SCFD2: variants seen among roughly 807,000 people sequenced by gnomAD.
The protein encoded by SCFD2 is sec1 family domain containing 2.
Under a neutral mutation model 58.9 loss-of-function variants are expected in SCFD2, and 54 were observed. The ratio of observed to expected loss-of-function variants is 0.92; its 90% CI spans 0.74 to 1.15. The LOEUF (loss-of-function observed/expected upper bound fraction) is 1.15, where lower values mean the gene tolerates loss of function less well. Ranked by LOEUF, SCFD2 falls within the 50% of genes most tolerant of loss-of-function variation. The probability of loss-of-function intolerance (pLI) is 0.00; values close to 1 mark genes in which losing one functional copy is unlikely to be tolerated. For synonymous variants in SCFD2, 321 were observed against 335.9 expected (o/e 0.96, Z 0.49); for missense variants, 805 against 836.6 (o/e 0.96, Z 0.47).
chr4:53,183,822 A>G (rs1220887173), intron 4 of SCFD2, among the ~76,000 whole-genome samples: 3 of 152,158 alleles, frequency 2.0e-5, no homozygotes, highest in African/African-American at 7.2e-5. Flanking sequence ...TTTAGAACAA[A>G]GTTGTACTAG....
At chr4:53,181,800 C>T (rs1727568170) in intron 4 of SCFD2, among the ~76,000 whole-genome samples, 1 of 152,206 alleles carries the variant, frequency 6.6e-6, no homozygotes, top group African/African-American at 2.4e-5. Flanking sequence ...TAAGCAACTT[C>T]AGCAAAGTCT....
At chr4:53,217,991 A>G (rs902158512) in intron 4 of SCFD2, among the ~76,000 whole-genome samples, 1 of 152,166 alleles carries the variant, frequency 6.6e-6, no homozygotes, top group African/African-American at 2.4e-5. Context: ...TCTGGCTTGT[A>G]GCGTTTCTGC....
intron 4 of SCFD2, among the ~76,000 whole-genome samples, chr4:53,184,963 A>G (rs377544556): frequency 7.9e-5 from 12 of 152,238 alleles, no homozygotes; most frequent in African/African-American, 2.9e-4. Context: ...GCTAGAGGGA[A>G]AAAGCATTTA....
chr4:53,073,230 G>A (rs1723874460), intron 5 of SCFD2, among the ~76,000 whole-genome samples: 1 of 151,976 alleles, frequency 6.6e-6, no homozygotes, highest in Non-Finnish European at 1.5e-5. Flanking sequence ...AATACAGGAG[G>A]ATGTGCATGG....
At chr4:53,251,616 G>A (rs1269306953) in intron 4 of SCFD2, among the ~76,000 whole-genome samples, 3 of 151,946 alleles carry the variant, frequency 2.0e-5, no homozygotes, top group African/African-American at 7.3e-5. Flanking sequence ...CATATAAACA[G>A]AACCAAAGAA....
chr4:52,942,095 G>A (rs762244758), intron 5 of SCFD2, among the ~76,000 whole-genome samples: 2 of 152,146 alleles, frequency 1.3e-5, no homozygotes, highest in African/African-American at 2.4e-5. Context: ...AATGGTATAC[G>A]AGAGGAAAGA....
At chr4:53,324,420 CAAAAAAAAA>C (rs34865805) in intron 2 of SCFD2, among the ~76,000 whole-genome samples, 12 of 93,818 alleles carry the variant, frequency 1.3e-4, no homozygotes, top group Non-Finnish European at 2.2e-4. Context: ...CCTGTCTCTC[CAAAAAAAAA>C]AAAAAAAAAA....
chr4:53,030,056 G>A (rs1015153246), intron 5 of SCFD2, among the ~76,000 whole-genome samples: 14 of 152,054 alleles, frequency 9.2e-5, no homozygotes, highest in Non-Finnish European at 1.9e-4. Flanking sequence ...CACAGTCTAG[G>A]AGAAAATATT....
chr4:53,035,042 C>G (rs1722720071), intron 5 of SCFD2, among the ~76,000 whole-genome samples: 1 of 152,036 alleles, frequency 6.6e-6, no homozygotes, highest in Non-Finnish European at 1.5e-5. Flanking sequence ...GAAGAACAAA[C>G]CTGGAGGCAT....
At chr4:53,353,909 T>G (rs1734318237) in intron 1 of SCFD2, among the ~76,000 whole-genome samples, 1 of 152,168 alleles carries the variant, frequency 6.6e-6, no homozygotes, top group Non-Finnish European at 1.5e-5. Flanking sequence ...GATTGGTGCA[T>G]TTACAAACTT....
At chr4:53,219,893 G>C (rs1465242801) in intron 4 of SCFD2, among the ~76,000 whole-genome samples, 1 of 152,044 alleles carries the variant, frequency 6.6e-6, no homozygotes, top group Non-Finnish European at 1.5e-5. Context: ...TGACTGCCAA[G>C]GTCTACAAGG....
intron 5 of SCFD2, among the ~76,000 whole-genome samples, chr4:52,937,203 C>T (rs1175524619): frequency 6.6e-6 from 1 of 152,194 alleles, no homozygotes; most frequent in South Asian, 2.1e-4. Context: ...AGAAGGGCAG[C>T]AAGTGCAAAG....
chr4:53,106,939 T>C (rs550855166), intron 5 of SCFD2, among the ~76,000 whole-genome samples: 5 of 151,866 alleles, frequency 3.3e-5, no homozygotes, highest in Admixed American at 3.3e-4. Context: ...TTCACCAAAA[T>C]TGAAACGAAG....
chr4:53,337,581 TGGAAA>T (rs1442926491), intron 2 of SCFD2, among the ~76,000 whole-genome samples: 1 of 152,042 alleles, frequency 6.6e-6, no homozygotes, highest in Admixed American at 6.6e-5. Context: ...ATAAATTATA[TGGAAA>T]GGAAAGAGAA....
chr4:53,066,847 C>G (rs1394438290), intron 5 of SCFD2, among the ~76,000 whole-genome samples: 1 of 152,056 alleles, frequency 6.6e-6, no homozygotes, highest in Admixed American at 6.6e-5. Flanking sequence ...CTCCACAGCA[C>G]TTGTCACAGC....
At chr4:53,162,559 T>C (rs1435571829) in intron 4 of SCFD2, among the ~76,000 whole-genome samples, 1 of 152,092 alleles carries the variant, frequency 6.6e-6, no homozygotes, top group Non-Finnish European at 1.5e-5. Context: ...CCACCAACAG[T>C]GTAAAAGTGT....
At chr4:53,332,166 G>T (rs534794208) in intron 2 of SCFD2, among the ~76,000 whole-genome samples, 1 of 150,678 alleles carries the variant, frequency 6.6e-6, no homozygotes. Flanking sequence ...TCTATCAGAG[G>T]TACAAGGAGG....
intron 6 of SCFD2, among the ~76,000 whole-genome samples, chr4:52,919,020 G>A (rs759703647): frequency 6.6e-6 from 1 of 152,158 alleles, no homozygotes; most frequent in Non-Finnish European, 1.5e-5. Flanking sequence ...TTGTAAGGGG[G>A]GACATATGCG....
intron 3 of SCFD2, among the ~76,000 whole-genome samples, chr4:53,289,797 T>C (rs533919531): frequency 6.6e-6 from 1 of 152,206 alleles, no homozygotes; most frequent in East Asian, 1.9e-4. Context: ...AGATAATTCC[T>C]GTAAAAAGTA....
Sources: gnomAD v4.1 joint callset for allele counts (sites outside exome capture counted in the v4.1 genomes callset) on GRCh38, gnomAD v4.1.1 for gene constraint, MANE v1.5 for transcripts, NCBI Gene and HGNC (gene_info 2026-07-23, HGNC 2026-07-21) for gene names.